Variants in NSG2 observed in about 807,000 individuals in gnomAD.
The protein encoded by NSG2 is neuronal vesicle trafficking-associated protein 2.
NSG2 carries 4 observed loss-of-function variants against 16.9 expected under a neutral mutation model. The observed-to-expected ratio is 0.24, with a 90% CI of 0.12 to 0.54. The LOEUF (loss-of-function observed/expected upper bound fraction) is 0.54. Among genes scored for constraint, NSG2 ranks in the 20% least tolerant of loss-of-function variants. The pLI, the probability that NSG2 is intolerant of heterozygous loss-of-function variation, is 0.95. For synonymous variants in NSG2, 98 were observed against 88.7 expected (o/e 1.11, Z -0.59); for missense variants, 179 against 221.1 (o/e 0.81, Z 1.21).
intron 2 of NSG2, among the ~76,000 whole-genome samples, chr5:174,061,013 T>C (rs1487122022): frequency 6.6e-6 from 1 of 152,252 alleles, no homozygotes; most frequent in Admixed American, 6.5e-5. Flanking sequence ...GCAGGAATCT[T>C]TGGAGCCAAA....
intron 2 of NSG2, among the ~76,000 whole-genome samples, chr5:174,053,769 C>G (rs991940173): frequency 3.3e-5 from 5 of 152,116 alleles, no homozygotes; most frequent in Admixed American, 6.5e-5. Context: ...ACTTTTTTAC[C>G]TACCAAATTG....
At position 174,070,067 on chromosome 5, in the gene NSG2, T is replaced by G. The variant is rs553508422; in HGVS notation, c.213+5752T>G. ...TAATTTAAAAAGGTTTTTCTTTTTT[T>G]GGTAGAGATAGGGTCTCACTTTGTT... On this transcript the variant is annotated intron_variant, in intron 3 of 4. Transcript: ENST00000303177. 2.0e-5 allele frequency among the ~76,000 whole-genome samples: 3 copies of G among 152,010 alleles called. No homozygotes were observed. In the South Asian group the frequency reaches 6.3e-4, roughly 32 times the overall value.
At chr5:174,089,538 C>G (rs1208690877) in intron 3 of NSG2, among the ~76,000 whole-genome samples, 1 of 151,896 alleles carries the variant, frequency 6.6e-6, no homozygotes, top group East Asian at 1.9e-4. Context: ...AAAAGATACC[C>G]CAGGCTTCTC....
In NSG2 at chr5:174,107,611, G is replaced by C. The variant is rs752396473; in HGVS notation, c.*106G>C. ...CACTGTACTCCTGGGATATGGGGGC[G>C]GGGGCGGGGCAGGGCAGGGTGGGGG... On this transcript the variant is annotated 3_prime_UTR_variant, in exon 5 of 5. Transcript: ENST00000303177. The surrounding 1 kb of genome is among the most constrained non-coding windows in gnomAD (Gnocchi z 4.5). 2 of 1,078,836 alleles carry C rather than the reference G, an allele frequency of 1.9e-6. No individual in the cohort carries two copies. The highest frequency in any genetic ancestry group is 1.4e-6 in the Non-Finnish European group (1 of 731,562). 66.8% of individuals were successfully genotyped at this position (1,078,836 alleles called of 1,614,324 possible).
chr5:174,057,009 C>A (rs1759976884), intron 2 of NSG2, among the ~76,000 whole-genome samples: 1 of 152,186 alleles, frequency 6.6e-6, no homozygotes, highest in East Asian at 1.9e-4. Flanking sequence ...AAATTATGTT[C>A]TTCATATTAG....
At chr5:174,047,959 C>G (rs1759828081) in intron 2 of NSG2, among the ~76,000 whole-genome samples, 1 of 152,124 alleles carries the variant, frequency 6.6e-6, no homozygotes, top group African/African-American at 2.4e-5. Context: ...GTGTCTTAAC[C>G]AATTGGCTTC....
chr5:174,099,241 C>T (rs532508091), intron 3 of NSG2, among the ~76,000 whole-genome samples: 47 of 152,278 alleles, frequency 3.1e-4, no homozygotes, highest in African/African-American at 7.5e-4. Flanking sequence ...CTCCAGCTCC[C>T]GCCCCACCCC....
intron 2 of NSG2, among the ~76,000 whole-genome samples, chr5:174,057,631 A>G (rs1581218685): frequency 6.6e-6 from 1 of 152,170 alleles, no homozygotes; most frequent in Non-Finnish European, 1.5e-5. Context: ...ATACCTGCAA[A>G]GCCGTTTTCT....
chr5:174,083,216 G>A (rs772672740), intron 3 of NSG2, among the ~76,000 whole-genome samples: 2 of 152,148 alleles, frequency 1.3e-5, no homozygotes, highest in Admixed American at 6.5e-5. Context: ...CCACGTATAC[G>A]TCATCCCTGA....
intron 3 of NSG2, among the ~76,000 whole-genome samples, chr5:174,096,566 G>A (rs142586866): frequency 4.6e-5 from 7 of 152,266 alleles, no homozygotes; most frequent in African/African-American, 1.4e-4. Flanking sequence ...TAGGTGTGGT[G>A]GCTCGTTCAT....
At chr5:174,097,139 G>A (rs961291994) in intron 3 of NSG2, among the ~76,000 whole-genome samples, 1 of 152,190 alleles carries the variant, frequency 6.6e-6, no homozygotes, top group African/African-American at 2.4e-5. Context: ...TGGTGGGGCA[G>A]CGGTCGCTGT....
At chr5:174,066,337 C>T in intron 3 of NSG2, 1 of 443,284 alleles carries the variant, frequency 2.3e-6, no homozygotes, top group Non-Finnish European at 4.6e-6. Flanking sequence ...CTTGGTGCAC[C>T]AGGCCACGGG....
chr5:174,048,599 G>A (rs1759837028), intron 2 of NSG2, among the ~76,000 whole-genome samples: 1 of 152,190 alleles, frequency 6.6e-6, no homozygotes, highest in Admixed American at 6.5e-5. Context: ...TTGCAGATCT[G>A]CATGTCTTTA....
At chr5:174,065,201 G>A (rs1013925565) in intron 3 of NSG2, among the ~76,000 whole-genome samples, 10 of 151,936 alleles carry the variant, frequency 6.6e-5, no homozygotes, top group South Asian at 4.2e-4. Context: ...AGTGGCGGGC[G>A]CCTGTAATCC....
chr5:174,084,384 A>C (rs751850515), intron 3 of NSG2, among the ~76,000 whole-genome samples: 6 of 152,352 alleles, frequency 3.9e-5, no homozygotes, highest in Middle Eastern at 3.4e-3. Flanking sequence ...CACCTACTGC[A>C]ACCAAGTCCT....
At chr5:174,077,279 T>G (rs1337833927) in intron 3 of NSG2, among the ~76,000 whole-genome samples, 1 of 152,184 alleles carries the variant, frequency 6.6e-6, no homozygotes, top group Non-Finnish European at 1.5e-5. Context: ...GCTCCTCTCT[T>G]CGGTTTTGAC....
intron 2 of NSG2, among the ~76,000 whole-genome samples, chr5:174,052,947 T>G (rs1397272344): frequency 6.6e-6 from 1 of 152,212 alleles, no homozygotes; most frequent in Non-Finnish European, 1.5e-5. Context: ...TATTGATTAT[T>G]AAGTCTTTAT....
intron 3 of NSG2, among the ~76,000 whole-genome samples, chr5:174,064,749 C>T (rs1760112412): frequency 6.6e-6 from 1 of 151,912 alleles, no homozygotes; most frequent in Non-Finnish European, 1.5e-5. Context: ...TGGTTGGCTT[C>T]CTATTTCTTG....
intron 2 of NSG2, among the ~76,000 whole-genome samples, chr5:174,054,012 G>T (rs1759930895): frequency 6.6e-6 from 1 of 152,184 alleles, no homozygotes; most frequent in Non-Finnish European, 1.5e-5. Context: ...AAAAGAACTG[G>T]GAACAACTTG....
Sources: gnomAD v4.1 joint callset for allele counts (sites outside exome capture counted in the v4.1 genomes callset) on GRCh38, gnomAD v4.1.1 for gene constraint, Gnocchi (gnomAD v3.1) non-coding constraint, MANE v1.5 for transcripts, NCBI Gene and HGNC (gene_info 2026-07-23, HGNC 2026-07-21) for gene names.